The following CSMD1 variants were observed in gnomAD, a reference collection of about 807,000 sequenced individuals.
The protein encoded by CSMD1 is CUB and sushi domain-containing protein 1.
Under a neutral mutation model 417.5 loss-of-function variants are expected in CSMD1, and 213 were observed. The ratio of observed to expected loss-of-function variants is 0.51; its 90% CI spans 0.46 to 0.57. CSMD1 has a LOEUF of 0.57. Among genes scored for constraint, CSMD1 ranks in the 20% least tolerant of loss-of-function variants. The pLI is 0.00. For missense variants in CSMD1, 6,923 were observed against 4,529.7 expected (o/e 1.53, Z -15.17); for synonymous variants, 2,862 against 1,736.8 (o/e 1.65, Z -16.11).
At position 4,236,039 on chromosome 8, in the gene CSMD1, GTTTTTTTTTTTT is replaced by G. The variant is rs869245155; in HGVS notation, c.415+183902_415+183913del. ...TTAATGGATATTGTTTTTTTTGTTT[GTTTTTTTTTTTT>G]TTTTTTTTTTTTTTTTTTGTAATTT... On this transcript the variant is annotated intron_variant, in intron 3 of 69. Coordinates refer to ENST00000635120, the MANE Select transcript of CSMD1 (RefSeq NM_033225.6). Among the ~76,000 whole-genome samples, 101 of 31,708 alleles carry G rather than the reference GTTTTTTTTTTTT, an allele frequency of 3.2e-3. 1 individual carries two copies. The highest frequency in any genetic ancestry group is 6.3e-3 in the African/African-American group (92 of 14,560). The allele number at this position is 31,708 out of a possible 152,430, so 20.8% of individuals were successfully genotyped here.
At chr8:3,994,486 C>A (rs1035238382) in intron 5 of CSMD1, among the ~76,000 whole-genome samples, 1 of 149,516 alleles carries the variant, frequency 6.7e-6, no homozygotes, top group Non-Finnish European at 1.5e-5. Flanking sequence ...GCTAGTCTCA[C>A]CACTACACAA....
At chr8:3,715,989 C>T (rs557336657) in intron 6 of CSMD1, among the ~76,000 whole-genome samples, 2 of 152,342 alleles carry the variant, frequency 1.3e-5, no homozygotes, top group South Asian at 4.1e-4. Context: ...CATCTCTTCC[C>T]ATTCTCTCTT....
chr8:4,070,854 T>A (rs1799518473), intron 3 of CSMD1, among the ~76,000 whole-genome samples: 2 of 152,242 alleles, frequency 1.3e-5, no homozygotes, highest in African/African-American at 4.8e-5. Flanking sequence ...GATATAAATG[T>A]CTAGGTTGAC....
At chr8:3,832,881 G>A (rs1315986529) in intron 5 of CSMD1, among the ~76,000 whole-genome samples, 2 of 152,128 alleles carry the variant, frequency 1.3e-5, no homozygotes, top group African/African-American at 4.8e-5. Flanking sequence ...AATCCAAGAA[G>A]AAAACCCATA....
intron 11 of CSMD1, among the ~76,000 whole-genome samples, chr8:3,492,582 C>T (rs940607261): frequency 6.6e-6 from 1 of 152,198 alleles, no homozygotes; most frequent in Non-Finnish European, 1.5e-5. Context: ...AGAGGAAGTA[C>T]ACCCTCAAAT....
chr8:4,474,053 A>C (rs909405567), intron 2 of CSMD1, among the ~76,000 whole-genome samples: 1 of 152,202 alleles, frequency 6.6e-6, no homozygotes, highest in African/African-American at 2.4e-5. Context: ...AATAAAAGCA[A>C]ATATATGCAA....
At chr8:3,542,600 G>A (rs1488764071) in intron 10 of CSMD1, among the ~76,000 whole-genome samples, 1 of 152,144 alleles carries the variant, frequency 6.6e-6, no homozygotes, top group African/African-American at 2.4e-5. Flanking sequence ...AGCAGGCCTG[G>A]CCTCCTTGAA....
intron 3 of CSMD1, among the ~76,000 whole-genome samples, chr8:4,346,081 G>T (rs11985125): frequency 0.21 from 32,625 of 151,974 alleles, 3,905 homozygotes; most frequent in Middle Eastern, 0.28. Flanking sequence ...GTGTGAATAC[G>T]AAAGTACTAC....
chr8:4,420,858 T>G (rs1246537619), intron 2 of CSMD1, among the ~76,000 whole-genome samples: 1 of 152,084 alleles, frequency 6.6e-6, no homozygotes, highest in Non-Finnish European at 1.5e-5. Flanking sequence ...ATCCACAAAC[T>G]CCTGTGCTGT....
chr8:4,457,597 T>C (rs948017353), intron 2 of CSMD1, among the ~76,000 whole-genome samples: 2 of 152,092 alleles, frequency 1.3e-5, no homozygotes, highest in East Asian at 3.9e-4. Context: ...GCACCCTACA[T>C]TGCTACTTAA....
intron 5 of CSMD1, among the ~76,000 whole-genome samples, chr8:3,771,913 A>T (rs1798594147): frequency 3.3e-5 from 5 of 152,194 alleles, no homozygotes; most frequent in Admixed American, 1.3e-4. Context: ...AGCAGGAGAA[A>T]AATAGCCCAC....
At chr8:4,195,211 G>A (rs754186078) in intron 3 of CSMD1, among the ~76,000 whole-genome samples, 1 of 152,178 alleles carries the variant, frequency 6.6e-6, no homozygotes, top group Non-Finnish European at 1.5e-5. Context: ...AACCTTGGGT[G>A]CATACATTCG....
intron 26 of CSMD1, among the ~76,000 whole-genome samples, chr8:3,255,784 G>C (rs564162602): frequency 2.0e-5 from 3 of 152,264 alleles, no homozygotes; most frequent in Non-Finnish European, 4.4e-5. Context: ...TCTTTGACTA[G>C]AAAGGGAATT....
intron 1 of CSMD1, among the ~76,000 whole-genome samples, chr8:4,941,019 G>C (rs1408247460): frequency 6.6e-6 from 1 of 151,532 alleles, no homozygotes; most frequent in African/African-American, 2.4e-5. Context: ...TTTGAGAGAG[G>C]AACAATCTAC....
intron 3 of CSMD1, among the ~76,000 whole-genome samples, chr8:4,154,934 A>G (rs998120288): frequency 1.3e-5 from 2 of 152,222 alleles, no homozygotes; most frequent in Admixed American, 1.3e-4. Context: ...TCTATTGACA[A>G]TAATACAAAA....
intron 2 of CSMD1, among the ~76,000 whole-genome samples, chr8:4,437,376 G>C (rs183322541): frequency 6.6e-6 from 1 of 152,070 alleles, no homozygotes; most frequent in South Asian, 2.1e-4. Context: ...CCTTGTATGT[G>C]AACAACTTAC....
rs552544060 is a variant in CSMD1, at chr8:4,022,485, A to G, written c.610+9420T>C. 1.4e-4 allele frequency among the ~76,000 whole-genome samples: 22 copies of G among 152,278 alleles called. No homozygotes were observed. In the East Asian group the frequency reaches 2.1e-3, roughly 15 times the overall value. ...TTTGCAGCCTTGCTCAGGTTTAAAGACTTCCCTCCGAAGCAACATTTGGTA... is the reference window on the plus strand; with the variant it reads ...TTTGCAGCCTTGCTCAGGTTTAAAGGCTTCCCTCCGAAGCAACATTTGGTA... On this transcript the variant is annotated intron_variant, in intron 4 of 69. Coordinates refer to ENST00000635120, the MANE Select transcript of CSMD1 (RefSeq NM_033225.6).
chr8:4,954,917 G>T (rs931139821), intron 1 of CSMD1, among the ~76,000 whole-genome samples: 1 of 152,140 alleles, frequency 6.6e-6, no homozygotes, highest in Non-Finnish European at 1.5e-5. Context: ...TGATTGAAAT[G>T]ATCAGTGAAA....
At chr8:3,413,475 C>G (rs897344359) in intron 12 of CSMD1, among the ~76,000 whole-genome samples, 9 of 152,172 alleles carry the variant, frequency 5.9e-5, no homozygotes, top group Admixed American at 6.5e-5. Flanking sequence ...AGTCCCTTAT[C>G]AGGCATTAGG....
Sources: allele counts gnomAD v4.1 joint callset (sites outside exome capture counted in the v4.1 genomes callset), GRCh38; gene constraint gnomAD v4.1.1; transcripts MANE v1.5; gene names NCBI Gene and HGNC (gene_info 2026-07-23, HGNC 2026-07-21).